IGSF5: variants seen among roughly 807,000 people sequenced by gnomAD.
The protein encoded by IGSF5 is immunoglobulin superfamily 5 like.
IGSF5 carries 41 observed loss-of-function variants against 39.4 expected under a neutral mutation model. The observed-to-expected ratio is 1.04, with a 90% CI of 0.81 to 1.35. IGSF5 has a LOEUF of 1.35. Ranked by LOEUF, IGSF5 falls within the 40% of genes most tolerant of loss-of-function variation. The pLI is 0.00. For missense variants in IGSF5, 487 were observed against 494.6 expected, an observed-to-expected ratio of 0.98 and a Z score of 0.15; for synonymous variants, 183 against 175.3, an observed-to-expected ratio of 1.04 and a Z score of -0.34.
chr21:39,774,519 A>G (rs1039919715), intron 4 of IGSF5, among the ~76,000 whole-genome samples: 5 of 152,226 alleles, frequency 3.3e-5, no homozygotes, highest in Non-Finnish European at 5.9e-5. Context: ...TTTAGAGAAA[A>G]ACATACTGGG....
chr21:39,714,199 T>TA, the IGSF5 span, among the ~76,000 whole-genome samples: 1 of 152,236 alleles, frequency 6.6e-6, no homozygotes, highest in East Asian at 1.9e-4. Flanking sequence ...GCTCAGCAGC[T>TA]GTGCTTGGGA....
chr21:39,730,213 C>T, the IGSF5 span: 10 of 152,164 alleles, frequency 6.6e-5, no homozygotes, highest in Non-Finnish European at 8.8e-5. Context: ...TCTGTCTTAA[C>T]GTGGTGTTTT....
intron 2 of IGSF5, among the ~76,000 whole-genome samples, chr21:39,751,628 G>T (rs1016627837): frequency 2.0e-5 from 3 of 152,012 alleles, no homozygotes; most frequent in East Asian, 3.9e-4. Context: ...GGGCTGGGGG[G>T]GGTGGGGTCA....
chr21:39,733,331 A>G, the IGSF5 span, among the ~76,000 whole-genome samples: 2 of 152,206 alleles, frequency 1.3e-5, no homozygotes, highest in Admixed American at 1.3e-4. Flanking sequence ...AATGTTTATA[A>G]TGTAGTGTTA....
upstream of IGSF5, among the ~76,000 whole-genome samples, chr21:39,745,071 C>G (rs1165244853): frequency 6.7e-6 from 1 of 150,188 alleles, no homozygotes; most frequent in African/African-American, 2.5e-5. Flanking sequence ...TTTTTTTTAA[C>G]TATTTCTTTT....
chr21:39,794,244 G>A (rs2086982415), intron 8 of IGSF5, among the ~76,000 whole-genome samples: 1 of 152,220 alleles, frequency 6.6e-6, no homozygotes, highest in African/African-American at 2.4e-5. Flanking sequence ...GATAAGGAAT[G>A]TTATGGGTGG....
chr21:39,750,421 C>T (rs114020148), intron 2 of IGSF5, among the ~76,000 whole-genome samples: 16,227 of 150,106 alleles, frequency 0.11, 2,851 homozygotes, highest in African/African-American at 0.37. Context: ...GGCTGGAGGA[C>T]TGCTTGAGCC....
intron 4 of IGSF5, among the ~76,000 whole-genome samples, chr21:39,775,476 T>G (rs1303394240): frequency 6.6e-6 from 1 of 152,238 alleles, no homozygotes; most frequent in Non-Finnish European, 1.5e-5. Context: ...GGTGACATTT[T>G]ATATTAATCC....
chr21:39,759,164 A>G (rs1318982308), intron 2 of IGSF5, among the ~76,000 whole-genome samples: 5 of 152,230 alleles, frequency 3.3e-5, no homozygotes, highest in Admixed American at 3.3e-4. Context: ...TGAAAGAATA[A>G]AATGGAATCA....
At position 39,770,917 on chromosome 21, in the gene IGSF5, T is replaced by C. The variant is rs756063841; in HGVS notation, c.420T>C (p.Val140=). 3 of 1,517,510 alleles carry C rather than the reference T, an allele frequency of 2.0e-6. No homozygotes were observed. In the Admixed American group the frequency reaches 6.0e-5, roughly 31 times the overall value. 94.0% of individuals were successfully genotyped at this position (1,517,510 alleles called of 1,614,324 possible). A position where few individuals can be genotyped will look rare whatever the true frequency, so the allele number is the denominator to read the frequency against. The change falls in exon 4 of 9, where the codon GTT becomes GTC. Residue 140 remains valine (V), a splice_region_variant and synonymous_variant. Transcript: ENST00000380588. The part of the protein sequence containing the change: ...LHGSAYLTVQ[V]MGELFIPSVN... Reference sequence around the variant, plus strand: ...GTGTTTCTCTCTTTTCTTCTTTAGTTATGGGAGAGCTGTTCATTCCCAGTG... The same window carrying C: ...GTGTTTCTCTCTTTTCTTCTTTAGTCATGGGAGAGCTGTTCATTCCCAGTG...
rs2146279746 is a variant in IGSF5 at position 39,765,626 on chromosome 21, G to A, written c.192G>A (p.Gln64=). ...SQARFNCTVS[Q]GWKLIMWALS... ...CTCGCTTCAACTGCACCGTCTCCCA[G>A]GGCTGGAAGCTCATCATGTGGGCTC... Residue 64 remains glutamine (Q), a synonymous_variant, in exon 3 of 9, where the codon CAG becomes CAA. Transcript: ENST00000380588. 2 of 1,614,134 alleles carry A rather than the reference G, an allele frequency of 1.2e-6. No homozygotes were observed. The highest frequency in any genetic ancestry group is 1.1e-5 in the South Asian group (1 of 91,070).
chr21:39,724,511 GT>G, the IGSF5 span, among the ~76,000 whole-genome samples: 2 of 152,132 alleles, frequency 1.3e-5, no homozygotes, highest in African/African-American at 4.8e-5. Context: ...AGATCTGATG[GT>G]TTTTAAATGA....
chr21:39,795,508 A>T (rs2086991021), intron 8 of IGSF5, among the ~76,000 whole-genome samples: 1 of 151,106 alleles, frequency 6.6e-6, no homozygotes, highest in Non-Finnish European at 1.5e-5. Flanking sequence ...GGAGATTCAG[A>T]ATAGGGTCAT....
chr21:39,722,894 A>C, the IGSF5 span, among the ~76,000 whole-genome samples: 2 of 152,356 alleles, frequency 1.3e-5, no homozygotes, highest in South Asian at 4.1e-4. Flanking sequence ...AATCAACATC[A>C]CCAAAAGCAT....
At chr21:39,797,225 T>TTA (rs2087001141) in intron 8 of IGSF5, among the ~76,000 whole-genome samples, 1 of 150,404 alleles carries the variant, frequency 6.6e-6, no homozygotes, top group African/African-American at 2.5e-5. Context: ...TTGCTTTTTT[T>TTA]TTTTTTTTTT....
chr21:39,756,565 G>C (rs2146274433), intron 2 of IGSF5, among the ~76,000 whole-genome samples: 1 of 152,310 alleles, frequency 6.6e-6, no homozygotes, highest in African/African-American at 2.4e-5. Flanking sequence ...AGACTCGCAG[G>C]GCTGTGGAAT....
At chr21:39,793,219 C>A (rs946633535) in intron 7 of IGSF5, among the ~76,000 whole-genome samples, 1 of 152,160 alleles carries the variant, frequency 6.6e-6, no homozygotes, top group Non-Finnish European at 1.5e-5. Context: ...ATCTCTATCT[C>A]TTTTATCTCC....
At chr21:39,771,280 A>G in intron 4 of IGSF5, 65 bp downstream of exon 4, 1 of 1,387,032 alleles carries the variant, frequency 7.2e-7, no homozygotes, top group Non-Finnish European at 9.6e-7. Flanking sequence ...ATTACGTAGA[A>G]TGCTCCTTCA....
intron 4 of IGSF5, among the ~76,000 whole-genome samples, chr21:39,773,477 T>TCTTTTTTTTTC (rs558798375): frequency 0.1 from 5,998 of 59,254 alleles, 422 homozygotes; most frequent in African/African-American, 0.23. Context: ...TTCTTCCTTT[T>TCTTTTTTTTTC]CTTTTTTTTT....
Sources: allele counts gnomAD v4.1 joint callset (sites outside exome capture counted in the v4.1 genomes callset), GRCh38; gene constraint gnomAD v4.1.1; transcripts MANE v1.5; gene names NCBI Gene and HGNC (gene_info 2026-07-23, HGNC 2026-07-21).